BOP1: variants seen among roughly 807,000 people sequenced by gnomAD.
BOP1 encodes the protein BOP1 ribosomal biogenesis factor, also known as ribosome biogenesis protein BOP1.
BOP1 carries 54 observed loss-of-function variants against 82.9 expected under a neutral mutation model. The observed-to-expected ratio is 0.65, with a 90% CI of 0.52 to 0.82. The LOEUF (loss-of-function observed/expected upper bound fraction) is 0.82. Among genes scored for constraint, BOP1 ranks in the 40% least tolerant of loss-of-function variants. The pLI is 0.00. For missense variants in BOP1, 1,170 were observed against 1,072.0 expected, an observed-to-expected ratio of 1.09 and a Z score of -1.28; for synonymous variants, 566 against 451.1, an observed-to-expected ratio of 1.25 and a Z score of -3.23.
intron 2 of BOP1, among the ~76,000 whole-genome samples, chr8:144,284,447 C>T (rs1291447320): frequency 6.6e-6 from 1 of 152,210 alleles, no homozygotes; most frequent in East Asian, 1.9e-4. Flanking sequence ...GCTGTTGAGG[C>T]CGAGCTGCCA....
In BOP1 at chr8:144,270,651, GT is replaced by G. The variant is rs1222631819; in HGVS notation, c.390+5572del. ...TCCAGAAATTCAAACCAGACCGGGG[GT>G]GGCGTGGGCTGACCCCCAGGCCTGC... is the stretch of plus-strand genomic sequence containing the variant. On this transcript the variant is annotated intron_variant, in intron 3 of 15. Coordinates refer to ENST00000569669, the MANE Select transcript of BOP1 (RefSeq NM_015201.5). Among the ~76,000 whole-genome samples, 71 of 152,236 alleles carry G rather than the reference GT, an allele frequency of 4.7e-4. 1 individual carries two copies. The highest frequency in any genetic ancestry group is 1.7e-3 in the African/African-American group (69 of 41,534).
At chr8:144,265,402 C>T (rs946173408) in intron 3 of BOP1, 21 of 456,152 alleles carry the variant, frequency 4.6e-5, no homozygotes, top group Non-Finnish European at 7.1e-5. Context: ...TCATCACCCA[C>T]GGGCTCCCTC....
intron 3 of BOP1, among the ~76,000 whole-genome samples, chr8:144,267,668 GGT>G (rs1222908896): frequency 6.6e-6 from 1 of 152,204 alleles, no homozygotes; most frequent in Non-Finnish European, 1.5e-5. Context: ...CAAGACACCA[GGT>G]CCTGTAGGGC....
chr8:144,276,848 C>T lies in BOP1; in HGVS notation c.310-544G>A, dbSNP rs1023060321. Among the ~76,000 whole-genome samples, 14 of 152,320 alleles carry T rather than the reference C, an allele frequency of 9.2e-5. No homozygotes were observed. The South Asian group carries it at 2.1e-3, about 23-fold the overall frequency. The stretch of plus-strand genomic sequence containing the variant: ...TCCACCCATCCCGGGGGCCACGTCC[C>T]GCCCAGTCCAGCCAGCAGAGGGCCC... On this transcript the variant is annotated intron_variant, in intron 2 of 15. Transcript: ENST00000569669.
At chr8:144,269,495 C>G (rs1304147714) in intron 3 of BOP1, among the ~76,000 whole-genome samples, 1 of 152,210 alleles carries the variant, frequency 6.6e-6, no homozygotes, top group Non-Finnish European at 1.5e-5. Context: ...CAGGGAATGG[C>G]GGAGCAGGAA....
chr8:144,266,501 G>A (rs1845368162), intron 3 of BOP1: 40 of 987,554 alleles, frequency 4.1e-5, no homozygotes, highest in Non-Finnish European at 4.7e-5. Context: ...GCCACCGCGG[G>A]GCGCAGCCGA....
In BOP1 at chr8:144,263,991, C is replaced by T. The variant is rs1233669669; in HGVS notation, c.1130G>A (p.Arg377His). 3.2e-5 allele frequency: 51 copies of T among 1,609,562 alleles called. No homozygotes were observed. The highest frequency in any genetic ancestry group is 1.2e-4 in the South Asian group (11 of 91,030). Residue 377 changes from arginine (R) to histidine (H), a missense_variant, in exon 8 of 16, where the codon CGC (arginine) becomes CAC (histidine). Arg to His is a conservative substitution (Grantham distance 29). Transcript: ENST00000569669. ...CLDLYLCPRQRKMRVNVDPED... is the reference protein window; with the variant it reads ...CLDLYLCPRQHKMRVNVDPED... ...GCCACCCCCACACACCCTCATCTTG[C>T]GCTGCCGTGGGCACAGGTACAGGTC...
Position 144,291,353 on chromosome 8 carries a change from AC to A in BOP1, c.17del (p.Gly6ValfsTer184). On this transcript the variant is annotated frameshift_variant, in exon 1 of 16. Transcript: ENST00000569669. LOFTEE classifies it high-confidence loss of function. This position sits in a 1 kb window ranked among gnomAD's most constrained non-coding sequence, Gnocchi z 4.1. ...CGCTCGGCGCCGCCGTGCGCCCCGC[AC>A]CCCGCGAACCCGCCATGCCCCACCG... is the stretch of plus-strand genomic sequence containing the variant. MAGSR[G>X]AGRTAAPSVR... is the part of the protein sequence containing the mutation. The A allele has an allele frequency of 7.4e-7, 1 of 1,351,282 alleles. No homozygotes were observed. 83.7% of individuals were successfully genotyped at this position (1,351,282 alleles called of 1,614,324 possible). A position where few individuals can be genotyped will look rare whatever the true frequency, so the allele number is the denominator to read the frequency against.
chr8:144,277,112 C>A (rs1176411687), intron 2 of BOP1, among the ~76,000 whole-genome samples: 1 of 152,224 alleles, frequency 6.6e-6, no homozygotes, highest in Non-Finnish European at 1.5e-5. Context: ...CCCGTGGGGG[C>A]AGTAAAGTGC....
rs954620573 is a variant in BOP1 at position 144,263,923 on chromosome 8, G to C, written c.1141-12C>G. 2.5e-6 allele frequency: 4 copies of C among 1,611,376 alleles called. No individual in the cohort carries two copies. Among genetic ancestry groups the C allele is most frequent in the Non-Finnish European group, 3.4e-6 (4 of 1,179,280 alleles). On this transcript the variant is annotated splice_polypyrimidine_tract_variant and intron_variant, in intron 8 of 15. Coordinates refer to ENST00000569669, the MANE Select transcript of BOP1 (RefSeq NM_015201.5). ...GGGTCTACATTCACCTGGGGCAGGAGAGCGCCAGGTCAGCCTTGCCCCCTG... is the reference window on the plus strand; with the variant it reads ...GGGTCTACATTCACCTGGGGCAGGACAGCGCCAGGTCAGCCTTGCCCCCTG...
At chr8:144,288,957 C>T in intron 2 of BOP1, 138 bp downstream of exon 2, 1 of 869,230 alleles carries the variant, frequency 1.2e-6, no homozygotes, top group Non-Finnish European at 1.8e-6. Context: ...CCAAGCGTGC[C>T]CCAGGTGCAG....
intron 3 of BOP1, chr8:144,267,999 G>A: frequency 6.6e-7 from 1 of 1,516,902 alleles, no homozygotes; most frequent in Non-Finnish European, 8.9e-7. Flanking sequence ...GGAAGGAGGT[G>A]CCTTGGCGCT....
chr8:144,277,371 C>A (rs1845583593), intron 2 of BOP1, among the ~76,000 whole-genome samples: 1 of 152,228 alleles, frequency 6.6e-6, no homozygotes, highest in Non-Finnish European at 1.5e-5. Context: ...CATGAGCCCC[C>A]ACAGCCGCAG....
Position 144,281,479 on chromosome 8 carries a change from C to G in BOP1, c.310-5175G>C, listed in dbSNP as rs4977208. On this transcript the variant is annotated intron_variant, in intron 2 of 15. Transcript: ENST00000569669. ...ATACCAGGTCTTCGGCCTTCTCTCA[C>G]TTTCATACCAGGTCTTTGGCCTTCC... 1.2e-3 allele frequency among the ~76,000 whole-genome samples: 7 copies of G among 6,048 alleles called. 3 individuals are homozygous for G. Among genetic ancestry groups the G allele is most frequent in the Admixed American group, 6.8e-3 (2 of 296 alleles). 4.0% of individuals were successfully genotyped at this position (6,048 alleles called of 152,430 possible).
At chr8:144,274,816 G>C (rs985274079) in intron 3 of BOP1, among the ~76,000 whole-genome samples, 7 of 152,110 alleles carry the variant, frequency 4.6e-5, no homozygotes, top group African/African-American at 1.7e-4. Flanking sequence ...CCCCTCCCCC[G>C]GCCTCCGCGC....
intron 2 of BOP1, 78 bp downstream of exon 2, chr8:144,289,017 G>GTAC (rs1218709846): frequency 6.7e-7 from 1 of 1,492,486 alleles, no homozygotes; most frequent in Non-Finnish European, 9.3e-7. Flanking sequence ...GGAGAAGGCA[G>GTAC]TACAGTGGCA....
intron 14 of BOP1, 35 bp from the exon 15 acceptor site, chr8:144,262,538 G>A (rs1474396605): frequency 1.9e-6 from 3 of 1,612,966 alleles, no homozygotes; most frequent in Non-Finnish European, 2.5e-6. Context: ...GGCAGGCTCG[G>A]GCTGAAGGGA....
In BOP1 at chr8:144,262,152, C is replaced by T; in HGVS notation, c.*12G>A. Reference sequence around the variant, plus strand: ...TCAGCACGACCACCCCAGCCCCAGGCAGGCAGAACAGCTAGGTGAAGAGGC... The same window carrying T: ...TCAGCACGACCACCCCAGCCCCAGGTAGGCAGAACAGCTAGGTGAAGAGGC... On this transcript the variant is annotated 3_prime_UTR_variant, in exon 16 of 16. Transcript: ENST00000569669. 6.2e-7 allele frequency: 1 copy of T among 1,612,036 alleles called. No homozygotes were observed. Among genetic ancestry groups the T allele is most frequent in the Non-Finnish European group, 8.5e-7 (1 of 1,179,834 alleles).
intron 2 of BOP1, among the ~76,000 whole-genome samples, chr8:144,280,078 C>T (rs1554838737): frequency 6.6e-6 from 1 of 152,166 alleles, no homozygotes; most frequent in Non-Finnish European, 1.5e-5. Context: ...TCTGACCCCT[C>T]GAATCCAGAA....
Sources: gnomAD v4.1 joint callset for allele counts (sites outside exome capture counted in the v4.1 genomes callset) on GRCh38, gnomAD v4.1.1 for gene constraint, Gnocchi (gnomAD v3.1) non-coding constraint, MANE v1.5 for transcripts, NCBI Gene and HGNC (gene_info 2026-07-23, HGNC 2026-07-21) for gene names.